MTNAP1: variants seen among roughly 807,000 people sequenced by gnomAD.
MTNAP1 encodes mitochondrial nucleoid-associated protein 1.
the MTNAP1 span, chr17:73,232,777 T>A: frequency 6.4e-6 from 1 of 156,248 alleles, no homozygotes; most frequent in Non-Finnish European, 1.4e-5. Context: ...CGGCCCACGT[T>A]CTAAGTCTGG....
chr17:73,232,463 C>T, the MTNAP1 span: 1 of 741,562 alleles, frequency 1.3e-6, no homozygotes, highest in Non-Finnish European at 2.1e-6. Flanking sequence ...GTGGCAGAAG[C>T]GCTCGCCTGT....
chr17:73,242,997 C>T, the MTNAP1 span: 533 of 1,611,678 alleles, frequency 3.3e-4, no homozygotes, highest in Middle Eastern at 1.5e-3. Context: ...GAGTTTCAGA[C>T]GTCTGAGTAA....
At chr17:73,239,953 T>A in the MTNAP1 span, among the ~76,000 whole-genome samples, 1 of 152,190 alleles carries the variant, frequency 6.6e-6, no homozygotes, top group African/African-American at 2.4e-5. Context: ...AGACCACAGA[T>A]AGAAGAGTCA....
the MTNAP1 span, chr17:73,247,399 G>A: frequency 6.4e-6 from 10 of 1,571,164 alleles, no homozygotes; most frequent in South Asian, 8.9e-5. Context: ...TTCGTGCCCT[G>A]TGTTGCCCAC....
chr17:73,235,493 A>G, the MTNAP1 span: 4 of 1,609,124 alleles, frequency 2.5e-6, no homozygotes, highest in African/African-American at 2.7e-5. Context: ...ATGAGTGATA[A>G]TCCACCCAGA....
At chr17:73,247,205 G>A in the MTNAP1 span, 2 of 1,598,076 alleles carry the variant, frequency 1.3e-6, no homozygotes, top group Non-Finnish European at 1.7e-6. Flanking sequence ...CATATGCCCT[G>A]AAAAGCTGAA....
chr17:73,247,596 A>C, the MTNAP1 span: 24 of 415,964 alleles, frequency 5.8e-5, no homozygotes, highest in Non-Finnish European at 8.8e-6. Context: ...CCTGAAAATA[A>C]GTTATTTAAT....
At chr17:73,238,700 A>G in the MTNAP1 span, among the ~76,000 whole-genome samples, 6 of 152,154 alleles carry the variant, frequency 3.9e-5, no homozygotes, top group Admixed American at 3.9e-4. Flanking sequence ...TTTTGGGCAC[A>G]AGGTGGACAG....
At chr17:73,232,484 C>G in the MTNAP1 span, 1 of 562,572 alleles carries the variant, frequency 1.8e-6, no homozygotes, top group East Asian at 3.2e-5. Flanking sequence ...TCACAGCCAA[C>G]GGAGGGTACG....
the MTNAP1 span, chr17:73,242,862 G>A: frequency 3.2e-5 from 50 of 1,567,746 alleles, no homozygotes; most frequent in East Asian, 5.6e-4. Context: ...AGTTTCAGTT[G>A]CTGTAACAAC....
chr17:73,246,400 G>A, the MTNAP1 span, among the ~76,000 whole-genome samples: 1 of 152,168 alleles, frequency 6.6e-6, no homozygotes, highest in African/African-American at 2.4e-5. Flanking sequence ...GCTGAGCTCA[G>A]TGGCACACGC....
At chr17:73,244,163 T>C in the MTNAP1 span, among the ~76,000 whole-genome samples, 1 of 152,260 alleles carries the variant, frequency 6.6e-6, no homozygotes, top group African/African-American at 2.4e-5. Context: ...TCATTTCTTA[T>C]TGTATTATTA....
At chr17:73,235,828 A>G in the MTNAP1 span, 3 of 1,614,190 alleles carry the variant, frequency 1.9e-6, no homozygotes, top group South Asian at 3.3e-5. Flanking sequence ...CAAGAATCCA[A>G]TCCAACCATC....
the MTNAP1 span, chr17:73,243,093 T>TTTTTGTTTTTTTTTTTG: frequency 7.1e-6 from 7 of 991,220 alleles, no homozygotes; most frequent in African/African-American, 3.4e-5. Flanking sequence ...TTTTTTTTTT[T>TTTTTGTTTTTTTTTTTG]TTTTTTTTAC....
At chr17:73,241,637 T>C in the MTNAP1 span, among the ~76,000 whole-genome samples, 1 of 151,916 alleles carries the variant, frequency 6.6e-6, no homozygotes, top group Non-Finnish European at 1.5e-5. Flanking sequence ...GATGATAGAA[T>C]ATGTAAAAGA....
chr17:73,232,890 G>A, the MTNAP1 span: 31 of 152,444 alleles, frequency 2.0e-4, 2 homozygotes, highest in Admixed American at 2.0e-3. Flanking sequence ...CTGCGGGAAC[G>A]GCTGTCCCTG....
the MTNAP1 span, chr17:73,245,417 C>T: frequency 1.9e-5 from 23 of 1,205,242 alleles, no homozygotes; most frequent in Non-Finnish European, 4.1e-6. Context: ...GGCTTGCTCT[C>T]AGGAGCAACT....
chr17:73,236,259 AG>A, the MTNAP1 span: 1 of 1,614,208 alleles, frequency 6.2e-7, no homozygotes. Context: ...ATCACCTCTC[AG>A]GAGTCCCTAC....
At chr17:73,235,426 G>T in the MTNAP1 span, 3 of 1,405,990 alleles carry the variant, frequency 2.1e-6, no homozygotes, top group Non-Finnish European at 1.9e-6. Context: ...GTAAAATATT[G>T]GTATGTACAA....
Sources: allele counts gnomAD v4.1 joint callset (sites outside exome capture counted in the v4.1 genomes callset), GRCh38; gene constraint gnomAD v4.1.1; transcripts MANE v1.5; gene names NCBI Gene and HGNC (gene_info 2026-07-23, HGNC 2026-07-21).